NIPAL2: variants seen among roughly 807,000 people sequenced by gnomAD.
NIPAL2 encodes NIPA like domain containing 2.
NIPAL2 carries 43 observed loss-of-function variants against 48.9 expected under a neutral mutation model. That is an observed-to-expected ratio of 0.88 (90% CI 0.69 to 1.13). NIPAL2 has a LOEUF of 1.13. Ranked by LOEUF, NIPAL2 falls within the 50% of genes most tolerant of loss-of-function variation. The probability of loss-of-function intolerance (pLI) is 0.00; values close to 1 mark genes in which losing one functional copy is unlikely to be tolerated. For synonymous variants in NIPAL2, 167 were observed against 174.6 expected, an observed-to-expected ratio of 0.96 and a Z score of 0.34; for missense variants, 446 against 461.4, an observed-to-expected ratio of 0.97 and a Z score of 0.31.
At chr8:98,242,053 C>T (rs1347888220) in intron 3 of NIPAL2, among the ~76,000 whole-genome samples, 1 of 152,058 alleles carries the variant, frequency 6.6e-6, no homozygotes, top group Non-Finnish European at 1.5e-5. Flanking sequence ...AGGTAATGTA[C>T]CATTGATAAT....
chr8:98,216,839 T>C (rs1379860672), intron 5 of NIPAL2, among the ~76,000 whole-genome samples: 5 of 152,192 alleles, frequency 3.3e-5, no homozygotes, highest in African/African-American at 1.2e-4. Flanking sequence ...TCTAACATGG[T>C]TTTTGCAGAA....
intron 10 of NIPAL2, 34 bp from the exon 11 acceptor site, chr8:98,193,124 G>T: frequency 6.6e-7 from 1 of 1,519,400 alleles, no homozygotes; most frequent in South Asian, 1.1e-5. Context: ...AATCTTTTGA[G>T]GTCTTACAGA....
In NIPAL2 at chr8:98,191,994, T is replaced by G. The variant is rs1265860067; in HGVS notation, c.*984A>C. ...AATGACTTTGGGAAGAAATGATGTGTAGTGAAACTATCACTAAGAATTTAA... is the reference window on the plus strand; with the variant it reads ...AATGACTTTGGGAAGAAATGATGTGGAGTGAAACTATCACTAAGAATTTAA... On this transcript the variant is annotated 3_prime_UTR_variant, in exon 11 of 11. Transcript: ENST00000430223. 1 of 152,234 alleles carries G rather than the reference T, an allele frequency of 6.6e-6. No homozygotes were observed. The highest frequency in any genetic ancestry group is 1.9e-4 in the East Asian group (1 of 5,202). The allele number at this position is 152,234 out of a possible 1,614,324, so 9.4% of individuals were successfully genotyped here.
intron 4 of NIPAL2, among the ~76,000 whole-genome samples, chr8:98,234,558 T>C (rs1812610099): frequency 6.6e-6 from 1 of 152,134 alleles, no homozygotes; most frequent in Non-Finnish European, 1.5e-5. Context: ...CATTTTTTTT[T>C]CTTTTTGAGA....
intron 3 of NIPAL2, among the ~76,000 whole-genome samples, chr8:98,247,234 T>A (rs1813353857): frequency 6.6e-6 from 1 of 152,188 alleles, no homozygotes; most frequent in South Asian, 2.1e-4. Context: ...GAACGGAACA[T>A]CCTATCCTTG....
intron 4 of NIPAL2, chr8:98,231,664 A>G (rs1812445809): frequency 6.9e-6 from 1 of 145,944 alleles, no homozygotes; most frequent in African/African-American, 2.5e-5. Context: ...ATCAGAGCAC[A>G]GTCCAAACCT....
chr8:98,234,265 ATTTATG>A (rs1187959034), intron 4 of NIPAL2, among the ~76,000 whole-genome samples: 1 of 152,152 alleles, frequency 6.6e-6, no homozygotes, highest in Non-Finnish European at 1.5e-5. Flanking sequence ...AAAAAAACCT[ATTTATG>A]AATCTATATT....
chr8:98,222,160 G>A (rs1424262630), intron 5 of NIPAL2, among the ~76,000 whole-genome samples: 12 of 152,082 alleles, frequency 7.9e-5, no homozygotes, highest in Non-Finnish European at 1.5e-4. Context: ...GTTCAGTAAA[G>A]CAAAATGTGT....
intron 3 of NIPAL2, among the ~76,000 whole-genome samples, chr8:98,238,966 C>A (rs894376513): frequency 1.3e-5 from 2 of 152,122 alleles, no homozygotes; most frequent in Admixed American, 1.3e-4. Flanking sequence ...CCTACCCCAC[C>A]CTCCAATCAC....
At chr8:98,293,600 TTTTTC>T (rs947540942) in intron 1 of NIPAL2, among the ~76,000 whole-genome samples, 91 of 152,322 alleles carry the variant, frequency 6.0e-4, no homozygotes, top group African/African-American at 2.2e-3. Context: ...GGGTGTCACT[TTTTTC>T]TTTTCTTTTA....
chr8:98,238,095 C>G (rs893244182), intron 3 of NIPAL2, among the ~76,000 whole-genome samples: 5 of 152,224 alleles, frequency 3.3e-5, no homozygotes, highest in African/African-American at 1.2e-4. Context: ...GAGCCATCGT[C>G]TGCTACTGTC....
At chr8:98,247,289 T>C (rs1374354573) in intron 3 of NIPAL2, among the ~76,000 whole-genome samples, 1 of 152,234 alleles carries the variant, frequency 6.6e-6, no homozygotes, top group Non-Finnish European at 1.5e-5. Flanking sequence ...GGCTGCATTT[T>C]GTGATTTCCC....
At chr8:98,272,111 A>G (rs1201917585) in intron 1 of NIPAL2, among the ~76,000 whole-genome samples, 2 of 151,986 alleles carry the variant, frequency 1.3e-5, no homozygotes, top group Admixed American at 6.6e-5. Context: ...ATTTGTAATG[A>G]TTTGTATTCG....
intron 4 of NIPAL2, among the ~76,000 whole-genome samples, chr8:98,229,036 T>C: frequency 6.6e-6 from 1 of 152,154 alleles, no homozygotes; most frequent in Admixed American, 6.5e-5. Context: ...GGAGGGGACA[T>C]AAAACAGCAG....
At chr8:98,193,123 A>G in intron 10 of NIPAL2, 33 bp from the exon 11 acceptor site, 2 of 1,520,918 alleles carry the variant, frequency 1.3e-6, no homozygotes, top group Non-Finnish European at 1.8e-6. Context: ...GAATCTTTTG[A>G]GGTCTTACAG....
At chr8:98,227,986 G>A (rs1406539706) in intron 4 of NIPAL2, among the ~76,000 whole-genome samples, 1 of 152,192 alleles carries the variant, frequency 6.6e-6, no homozygotes, top group Non-Finnish European at 1.5e-5. Context: ...CTCCCTCTGT[G>A]GCCATCAGCT....
Position 98,192,248 on chromosome 8 carries a change from A to G in NIPAL2, c.*730T>C, listed in dbSNP as rs1810332298. Reference sequence around the variant, plus strand: ...ATGAATTTATGTGTCAGCCTTGTGCAGGGGCTGTGCTAATCTCTGCATTGT... The same window carrying G: ...ATGAATTTATGTGTCAGCCTTGTGCGGGGGCTGTGCTAATCTCTGCATTGT... On this transcript the variant is annotated 3_prime_UTR_variant, in exon 11 of 11. Transcript: ENST00000430223. The G allele has an allele frequency of 6.6e-6, 1 of 152,152 alleles. No homozygotes were observed. Among genetic ancestry groups the G allele is most frequent in the Non-Finnish European group, 1.5e-5 (1 of 68,030 alleles). The allele number at this position is 152,152 out of a possible 1,614,324, so 9.4% of individuals were successfully genotyped here.
At chr8:98,268,615 T>C (rs1814920131) in intron 1 of NIPAL2, among the ~76,000 whole-genome samples, 1 of 118,788 alleles carries the variant, frequency 8.4e-6, no homozygotes, top group African/African-American at 3.0e-5. Flanking sequence ...AGCAAGACTG[T>C]CTCAAAGAAA....
intron 4 of NIPAL2, among the ~76,000 whole-genome samples, chr8:98,230,612 AT>A (rs1052913542): frequency 6.6e-5 from 10 of 152,290 alleles, no homozygotes; most frequent in African/African-American, 2.4e-4. Context: ...ATTTTGGGAA[AT>A]ACTTGATATT....
Sources: gnomAD v4.1 joint callset for allele counts (sites outside exome capture counted in the v4.1 genomes callset) on GRCh38, gnomAD v4.1.1 for gene constraint, MANE v1.5 for transcripts, NCBI Gene and HGNC (gene_info 2026-07-23, HGNC 2026-07-21) for gene names.